SAMD5: variants seen among roughly 807,000 people sequenced by gnomAD.
The protein encoded by SAMD5 is sterile alpha motif domain containing 5.
SAMD5 carries 13 observed loss-of-function variants against 11.3 expected under a neutral mutation model. The observed-to-expected ratio is 1.15, with a 90% CI of 0.75 to 1.83. The LOEUF (loss-of-function observed/expected upper bound fraction) is 1.83, where lower values mean the gene tolerates loss of function less well. Among genes scored for constraint, SAMD5 ranks in the 40% most tolerant of loss-of-function variants. The pLI, the probability that SAMD5 is intolerant of heterozygous loss-of-function variation, is 0.00. For synonymous variants in SAMD5, 129 were observed against 111.3 expected, an observed-to-expected ratio of 1.16 and a Z score of -1.00; for missense variants, 255 against 239.1, an observed-to-expected ratio of 1.07 and a Z score of -0.44.
intron 1 of SAMD5, among the ~76,000 whole-genome samples, chr6:147,683,535 C>T (rs528382162): frequency 2.0e-5 from 3 of 152,142 alleles, no homozygotes; most frequent in Non-Finnish European, 4.4e-5. Context: ...GGCTTTTCCT[C>T]CTCTTCTTCC....
chr6:147,542,731 G>A (rs1421282472), intron 1 of SAMD5, among the ~76,000 whole-genome samples: 1 of 152,084 alleles, frequency 6.6e-6, no homozygotes, highest in Non-Finnish European at 1.5e-5. Context: ...GTTTAGAGAG[G>A]GTTAAAATTT....
chr6:147,596,902 G>A (rs1199569398), intron 1 of SAMD5, among the ~76,000 whole-genome samples: 1 of 152,150 alleles, frequency 6.6e-6, no homozygotes, highest in East Asian at 1.9e-4. Context: ...CATTTATTCA[G>A]AACCTTCCCA....
chr6:147,583,303 TA>T (rs1789324948), intron 1 of SAMD5, among the ~76,000 whole-genome samples: 1 of 152,230 alleles, frequency 6.6e-6, no homozygotes, highest in South Asian at 2.1e-4. Flanking sequence ...CTCAATGAAC[TA>T]AAATTTAAAC....
the SAMD5 span, among the ~76,000 whole-genome samples, chr6:147,871,288 A>G: frequency 3.9e-5 from 6 of 152,328 alleles, no homozygotes; most frequent in South Asian, 2.1e-4. Context: ...AGAGTTACAT[A>G]TGACAAATTT....
At chr6:147,737,672 CTTTTTTTTT>C (rs10544345), downstream of SAMD5, 10 of 49,246 alleles carry the variant, frequency 2.0e-4, no homozygotes, top group South Asian at 2.1e-3. Flanking sequence ...AGATTGAGGG[CTTTTTTTTT>C]TTTTTTTTTT....
the SAMD5 span, among the ~76,000 whole-genome samples, chr6:147,877,713 G>A: frequency 2.0e-5 from 3 of 151,854 alleles, no homozygotes; most frequent in African/African-American, 4.8e-5. Context: ...AAAGACTGAG[G>A]TTTGTGCAAG....
the SAMD5 span, among the ~76,000 whole-genome samples, chr6:147,884,270 AG>A: frequency 6.6e-6 from 1 of 152,138 alleles, no homozygotes; most frequent in Non-Finnish European, 1.5e-5. Context: ...GCATGGTCCA[AG>A]GTGGAACGGA....
intron 1 of SAMD5, among the ~76,000 whole-genome samples, chr6:147,577,517 T>C (rs1351076681): frequency 6.6e-6 from 1 of 152,184 alleles, no homozygotes; most frequent in African/African-American, 2.4e-5. Context: ...CTTTCCTTTT[T>C]GGAACCTACA....
At chr6:147,837,251 C>T in the SAMD5 span, among the ~76,000 whole-genome samples, 500 of 152,254 alleles carry the variant, frequency 3.3e-3, 2 homozygotes, top group African/African-American at 0.012. Flanking sequence ...CTTCTTCTTA[C>T]CCCAGAAGAC....
chr6:147,663,392 G>A (rs1790672669), intron 1 of SAMD5, among the ~76,000 whole-genome samples: 1 of 152,162 alleles, frequency 6.6e-6, no homozygotes, highest in Non-Finnish European at 1.5e-5. Flanking sequence ...CCTGGGTGAT[G>A]AAATAATCTG....
At chr6:147,719,755 A>G (rs187307321) in intron 1 of SAMD5, among the ~76,000 whole-genome samples, 18 of 152,344 alleles carry the variant, frequency 1.2e-4, no homozygotes, top group African/African-American at 4.1e-4. Context: ...ACAAAGGTGA[A>G]GACAGATTTT....
At chr6:147,798,614 G>C in the SAMD5 span, among the ~76,000 whole-genome samples, 7 of 151,998 alleles carry the variant, frequency 4.6e-5, no homozygotes, top group East Asian at 1.3e-3. Context: ...TTCAATTCCT[G>C]GGTATCCTTG....
intron 1 of SAMD5, among the ~76,000 whole-genome samples, chr6:147,626,274 G>C (rs955925632): frequency 2.0e-5 from 3 of 151,648 alleles, no homozygotes; most frequent in Admixed American, 6.6e-5. Flanking sequence ...TTAAACTCCT[G>C]TTTTCTTAAG....
At chr6:147,572,516 C>T (rs1271953421), downstream of SAMD5, among the ~76,000 whole-genome samples, 1 of 152,108 alleles carries the variant, frequency 6.6e-6, no homozygotes, top group Admixed American at 6.5e-5. Flanking sequence ...CACCCTGTCA[C>T]CCTGGCTAGA....
At chr6:147,814,376 T>C in the SAMD5 span, among the ~76,000 whole-genome samples, 2 of 152,222 alleles carry the variant, frequency 1.3e-5, no homozygotes, top group African/African-American at 4.8e-5. Context: ...TGATAAATAT[T>C]AATACATATT....
At chr6:147,863,380 C>T in the SAMD5 span, among the ~76,000 whole-genome samples, 7 of 152,098 alleles carry the variant, frequency 4.6e-5, no homozygotes, top group Non-Finnish European at 7.3e-5. Flanking sequence ...TATAACTGTG[C>T]CCTGATTTGT....
chr6:147,729,299 C>T (rs748969218), intron 1 of SAMD5, among the ~76,000 whole-genome samples: 6 of 152,168 alleles, frequency 3.9e-5, no homozygotes, highest in Admixed American at 2.0e-4. Context: ...ATATGAATTT[C>T]GAGGTGACAC....
chr6:147,545,377 G>T (rs1331191667), intron 1 of SAMD5, among the ~76,000 whole-genome samples: 1 of 152,184 alleles, frequency 6.6e-6, no homozygotes, highest in Non-Finnish European at 1.5e-5. Context: ...TTGAGTTAGA[G>T]AGTTCAGTGA....
At chr6:147,697,446 C>G (rs964324633) in intron 1 of SAMD5, among the ~76,000 whole-genome samples, 2 of 152,106 alleles carry the variant, frequency 1.3e-5, no homozygotes, top group Non-Finnish European at 2.9e-5. Context: ...GGTATGTAGG[C>G]TAGTAACACA....
Sources: gnomAD v4.1 joint callset for allele counts (sites outside exome capture counted in the v4.1 genomes callset) on GRCh38, gnomAD v4.1.1 for gene constraint, MANE v1.5 for transcripts, NCBI Gene and HGNC (gene_info 2026-07-23, HGNC 2026-07-21) for gene names.